Variants in GRIK4 observed in about 807,000 individuals in gnomAD.
GRIK4 encodes the protein glutamate ionotropic receptor kainate type subunit 4.
In GRIK4, 40 loss-of-function variants were observed where a neutral mutation model predicts 104.9. That is an observed-to-expected ratio of 0.38 (90% CI 0.30 to 0.50). GRIK4 has a LOEUF of 0.50. Among genes scored for constraint, GRIK4 ranks in the 20% least tolerant of loss-of-function variants. The pLI is 0.93. For synonymous variants in GRIK4, 485 were observed against 524.9 expected, an observed-to-expected ratio of 0.92 and a Z score of 1.04; for missense variants, 1,047 against 1,308.1, an observed-to-expected ratio of 0.80 and a Z score of 3.08.
chr11:120,591,004 T>A (rs548730584), intron 1 of GRIK4, among the ~76,000 whole-genome samples: 7 of 151,740 alleles, frequency 4.6e-5, no homozygotes, highest in Non-Finnish European at 7.4e-5. Flanking sequence ...TGCCAAGAGG[T>A]GTTATGTTTA....
In GRIK4 at chr11:120,679,254, T is replaced by G. The variant is rs532266684; in HGVS notation, c.82+18854T>G. Reference sequence around the variant, plus strand: ...TGTTCAAATCCAAGCCCTGTCTGCCTCTGGAGAGACCACATGTCCCTTATA... The same window carrying G: ...TGTTCAAATCCAAGCCCTGTCTGCCGCTGGAGAGACCACATGTCCCTTATA... On this transcript the variant is annotated intron_variant, in intron 3 of 20. Coordinates refer to ENST00000527524, the MANE Select transcript of GRIK4 (RefSeq NM_014619.5). 2.0e-5 allele frequency among the ~76,000 whole-genome samples: 3 copies of G among 152,316 alleles called. No homozygotes were observed. The East Asian group carries it at 5.8e-4, about 29-fold the overall frequency.
intron 3 of GRIK4, among the ~76,000 whole-genome samples, chr11:120,743,358 TG>T (rs1951374724): frequency 6.6e-6 from 1 of 151,910 alleles, no homozygotes; most frequent in Non-Finnish European, 1.5e-5. Flanking sequence ...TATTTTTAAG[TG>T]GGAGCTAAAT....
chr11:120,720,805 A>T (rs988816837), intron 3 of GRIK4, among the ~76,000 whole-genome samples: 18 of 152,158 alleles, frequency 1.2e-4, no homozygotes, highest in African/African-American at 4.1e-4. Context: ...TGGAATTTTT[A>T]AAATGAATTG....
At chr11:120,977,975 C>T (rs532405259) in intron 19 of GRIK4, among the ~76,000 whole-genome samples, 26 of 152,086 alleles carry the variant, frequency 1.7e-4, no homozygotes, top group Non-Finnish European at 3.1e-4. Context: ...TCAACCAGGG[C>T]GGAGCACTCA....
intron 3 of GRIK4, among the ~76,000 whole-genome samples, chr11:120,743,548 C>G (rs1255605534): frequency 6.6e-6 from 1 of 152,104 alleles, no homozygotes; most frequent in East Asian, 1.9e-4. Flanking sequence ...ATGTAACGAG[C>G]CTTCATGTGT....
chr11:120,853,618 G>C (rs1360478858), intron 8 of GRIK4, among the ~76,000 whole-genome samples: 2 of 152,226 alleles, frequency 1.3e-5, no homozygotes, highest in Non-Finnish European at 2.9e-5. Flanking sequence ...CTAAATTCTA[G>C]CTTGATTGAC....
Position 120,620,270 on chromosome 11 carries a change from T to C in GRIK4, c.-158-33415T>C, listed in dbSNP as rs4590879. Reference sequence around the variant, plus strand: ...TAATAGGTTTTCTCCTCGCCATCCATTTTGTTCTTATGAAATTCTACTTTG... The same window carrying C: ...TAATAGGTTTTCTCCTCGCCATCCACTTTGTTCTTATGAAATTCTACTTTG... On this transcript the variant is annotated intron_variant, in intron 1 of 20. Coordinates refer to ENST00000527524, the MANE Select transcript of GRIK4 (RefSeq NM_014619.5). The C allele has an allele frequency of 5.9e-3, 4,365 of 735,410 alleles. 130 individuals are homozygous for C. The African/African-American group carries it at 0.066, about 11-fold the overall frequency. 45.6% of individuals were successfully genotyped at this position (735,410 alleles called of 1,614,324 possible).
intron 1 of GRIK4, among the ~76,000 whole-genome samples, chr11:120,640,504 T>C (rs773349343): frequency 1.3e-5 from 2 of 152,174 alleles, no homozygotes; most frequent in Non-Finnish European, 2.9e-5. Context: ...CATTTGAATT[T>C]CATGGGTTCT....
intron 3 of GRIK4, among the ~76,000 whole-genome samples, chr11:120,779,642 G>A (rs1005773198): frequency 1.1e-4 from 16 of 151,034 alleles, no homozygotes; most frequent in African/African-American, 3.5e-4. Context: ...ATCATCATCT[G>A]CAAAGTAATA....
chr11:120,841,666 C>T (rs189020604), intron 8 of GRIK4, among the ~76,000 whole-genome samples: 74 of 152,168 alleles, frequency 4.9e-4, no homozygotes, highest in African/African-American at 1.7e-3. Context: ...GGTAATTATC[C>T]GTTTATTTAT....
chr11:120,934,224 AAAAAAAAG>A (rs1943546123), intron 13 of GRIK4, among the ~76,000 whole-genome samples: 3 of 136,798 alleles, frequency 2.2e-5, no homozygotes, highest in Admixed American at 7.3e-5. Flanking sequence ...AAAAAAAAAA[AAAAAAAAG>A]GTCAGCGTCA....
At chr11:120,878,613 G>GC (rs67957802) in intron 11 of GRIK4, among the ~76,000 whole-genome samples, 2,120 of 134,236 alleles carry the variant, frequency 0.016, 45 homozygotes, top group African/African-American at 0.056. Flanking sequence ...TTTATGCCCC[G>GC]CCCCCCCCCC....
chr11:120,642,162 G>A (rs1949478939), intron 1 of GRIK4, among the ~76,000 whole-genome samples: 1 of 152,164 alleles, frequency 6.6e-6, no homozygotes, highest in Non-Finnish European at 1.5e-5. Context: ...AGTTATGGAA[G>A]ACAGTTTTTA....
At chr11:120,564,017 G>T (rs1228688691) in intron 1 of GRIK4, among the ~76,000 whole-genome samples, 2 of 152,224 alleles carry the variant, frequency 1.3e-5, no homozygotes, top group Non-Finnish European at 2.9e-5. Context: ...GCCTTTGAAA[G>T]GTTAGGGGGT....
At chr11:120,620,222 C>A (rs1949169412) in intron 1 of GRIK4, 1 of 778,522 alleles carries the variant, frequency 1.3e-6, no homozygotes, top group African/African-American at 1.7e-5. Context: ...ACATACATGG[C>A]ATCAGGGCCT....
intron 3 of GRIK4, among the ~76,000 whole-genome samples, chr11:120,741,170 A>G (rs770641219): frequency 2.0e-5 from 3 of 152,096 alleles, no homozygotes; most frequent in Non-Finnish European, 4.4e-5. Flanking sequence ...ACCACTCACA[A>G]TATCCTCCAC....
intron 3 of GRIK4, among the ~76,000 whole-genome samples, chr11:120,762,904 TTTG>T (rs920557980): frequency 6.6e-6 from 1 of 152,152 alleles, no homozygotes; most frequent in Non-Finnish European, 1.5e-5. Context: ...ATTTTCTTTT[TTTG>T]TTGTTGTTGT....
chr11:120,916,773 G>A (rs751959018), intron 13 of GRIK4, among the ~76,000 whole-genome samples: 3 of 152,190 alleles, frequency 2.0e-5, no homozygotes, highest in Non-Finnish European at 4.4e-5. Context: ...AATGAACTTC[G>A]TGTTTAGACT....
chr11:120,716,261 C>T lies in GRIK4; in HGVS notation c.82+55861C>T, dbSNP rs894487563. Among the ~76,000 whole-genome samples, 17 of 34,890 alleles carry T rather than the reference C, an allele frequency of 4.9e-4. No homozygotes were observed. In the East Asian group the frequency reaches 5.3e-3, roughly 11 times the overall value. 22.9% of individuals were successfully genotyped at this position (34,890 alleles called of 152,430 possible). On this transcript the variant is annotated intron_variant, in intron 3 of 20. Transcript: ENST00000527524. ...ATGATTTTTTTGGGGGGTGGGTGGG[C>T]GGGATGGAGTCTCACTCTGTTGCCC...
Sources: gnomAD v4.1 joint callset for allele counts (sites outside exome capture counted in the v4.1 genomes callset) on GRCh38, gnomAD v4.1.1 for gene constraint, MANE v1.5 for transcripts, NCBI Gene and HGNC (gene_info 2026-07-23, HGNC 2026-07-21) for gene names.